SYNRG: variants seen among roughly 807,000 people sequenced by gnomAD.
SYNRG encodes AP1 gamma subunit binding protein 1.
A neutral mutation model predicts 130.9 loss-of-function variants in SYNRG; 37 were observed. That is an observed-to-expected ratio of 0.28 (90% confidence interval 0.22 to 0.37). The LOEUF is 0.37. SYNRG is among the 10% of genes least tolerant of loss of function. The pLI, the probability that SYNRG is intolerant of heterozygous loss-of-function variation, is 1.00. For missense variants in SYNRG, 1,338 were observed against 1,588.9 expected (o/e 0.84, Z 2.68); for synonymous variants, 539 against 568.1 (o/e 0.95, Z 0.73).
At chr17:37,565,950 C>T (rs1330433467) in intron 11 of SYNRG, among the ~76,000 whole-genome samples, 3 of 147,654 alleles carry the variant, frequency 2.0e-5, no homozygotes, top group African/African-American at 2.5e-5. Flanking sequence ...CCGCCCCGTC[C>T]GGGAGGGAGG....
At chr17:37,579,450 T>C (rs2146284439) in intron 6 of SYNRG, 1 of 1,301,278 alleles carries the variant, frequency 7.7e-7, no homozygotes. Context: ...AAATGGAAAA[T>C]GGCAATGAAA....
chr17:37,569,409 G>GAAAAAAAA (rs530693398), intron 10 of SYNRG, among the ~76,000 whole-genome samples: 1 of 59,394 alleles, frequency 1.7e-5, no homozygotes, highest in Non-Finnish European at 3.2e-5. Context: ...GACTCTGGCT[G>GAAAAAAAA]AAAAAAAAAA....
intron 15 of SYNRG, chr17:37,541,014 G>A: frequency 1.0e-6 from 1 of 986,724 alleles, no homozygotes; most frequent in Non-Finnish European, 1.2e-6. Context: ...GAAGCTACAT[G>A]TTAAATCTTT....
At chr17:37,600,132 T>C (rs185459825) in intron 2 of SYNRG, among the ~76,000 whole-genome samples, 73 of 152,330 alleles carry the variant, frequency 4.8e-4, no homozygotes, top group African/African-American at 6.7e-4. Flanking sequence ...ATGAACATAA[T>C]GTCTATGTAA....
At chr17:37,594,762 T>C (rs2062608432) in intron 3 of SYNRG, among the ~76,000 whole-genome samples, 1 of 152,066 alleles carries the variant, frequency 6.6e-6, no homozygotes, top group African/African-American at 2.4e-5. Context: ...TCCCAGCCAT[T>C]TGCTACCTTT....
chr17:37,561,039 A>G (rs1415168874), intron 13 of SYNRG, among the ~76,000 whole-genome samples, 156 bp downstream of exon 13: 1 of 152,204 alleles, frequency 6.6e-6, no homozygotes, highest in African/African-American at 2.4e-5. Flanking sequence ...AAACATCACT[A>G]CTATACCATA....
At chr17:37,579,883 CCTTT>C (rs1160201508) in intron 6 of SYNRG, among the ~76,000 whole-genome samples, 2 of 151,916 alleles carry the variant, frequency 1.3e-5, no homozygotes, top group African/African-American at 2.4e-5. Flanking sequence ...GCTAATTCTT[CCTTT>C]CTTTTTTTTT....
At chr17:37,543,656 A>T (rs77567865) in intron 14 of SYNRG, among the ~76,000 whole-genome samples, 8,751 of 152,294 alleles carry the variant, frequency 0.057, 821 homozygotes, top group African/African-American at 0.19. Flanking sequence ...CATAATAGCT[A>T]GTGTCTGCTC....
chr17:37,556,810 T>C (rs529453573), intron 13 of SYNRG, among the ~76,000 whole-genome samples: 1 of 152,380 alleles, frequency 6.6e-6, no homozygotes, highest in African/African-American at 2.4e-5. Flanking sequence ...ACTTGTATTA[T>C]TTCTGAAAAT....
In SYNRG at chr17:37,535,984, G is replaced by A; in HGVS notation, c.3661C>T (p.Leu1221Phe). The A allele has an allele frequency of 6.2e-7, 1 of 1,613,756 alleles. No homozygotes were observed. Among genetic ancestry groups the A allele is most frequent in the Non-Finnish European group, 8.5e-7 (1 of 1,179,966 alleles). Residue 1221 changes from leucine to phenylalanine, a missense_variant, in exon 19 of 22, where the codon CTC (leucine) becomes TTC (phenylalanine). This residue lies in a region of SYNRG where 1,146 missense variants were observed against 1,342.3 expected (regional missense o/e 0.85). Coordinates refer to ENST00000612223, the MANE Select transcript of SYNRG (RefSeq NM_007247.6). Reference protein sequence around the residue: ...NLIGFMSLATLTPDENSLDFS... With the variant: ...NLIGFMSLATFTPDENSLDFS... ...GAGTTGTCTCATGGGCTTACTGTGA[G>A]TGTGGCGAGTGACATGAAGCCGATT...
chr17:37,565,442 T>C (rs1000741663), intron 11 of SYNRG, among the ~76,000 whole-genome samples: 30 of 152,010 alleles, frequency 2.0e-4, no homozygotes, highest in Admixed American at 2.0e-4. Context: ...AGTGCCGAGA[T>C]TGCAGCCTCT....
At chr17:37,571,053 C>T (rs1450480519) in intron 9 of SYNRG, among the ~76,000 whole-genome samples, 168 bp from the exon 10 acceptor site, 1 of 152,144 alleles carries the variant, frequency 6.6e-6, no homozygotes, top group Non-Finnish European at 1.5e-5. Flanking sequence ...CAATGCAAAC[C>T]TAATACTTAA....
chr17:37,532,036 T>C (rs1359749364), intron 19 of SYNRG, among the ~76,000 whole-genome samples: 1 of 152,252 alleles, frequency 6.6e-6, no homozygotes, highest in Non-Finnish European at 1.5e-5. Flanking sequence ...TTTGCTTCTT[T>C]CTGTGAATTC....
chr17:37,538,397 G>T lies in SYNRG; in HGVS notation c.3444C>A (p.Thr1148=). ...ALNVIKKAND[T]LNGISSSSVC... ...CAGAACTACTACTGATTCCATTTAA[G>T]GTATCATTTGCCTTCTTAATGACCT... is the stretch of plus-strand genomic sequence containing the variant. The change falls in exon 18 of 22, where the codon ACC becomes ACA. Residue 1148 remains threonine, a synonymous_variant. Coordinates refer to ENST00000612223, the MANE Select transcript of SYNRG (RefSeq NM_007247.6). 1 of 1,609,666 alleles carries T rather than the reference G, an allele frequency of 6.2e-7. No homozygotes were observed. The highest frequency in any genetic ancestry group is 8.5e-7 in the Non-Finnish European group (1 of 1,178,650).
At chr17:37,557,563 A>C (rs62077565) in intron 13 of SYNRG, among the ~76,000 whole-genome samples, 1,807 of 152,334 alleles carry the variant, frequency 0.012, 20 homozygotes, top group Non-Finnish European at 0.016. Context: ...AAATAACAAC[A>C]ATCTGGAACT....
intron 14 of SYNRG, among the ~76,000 whole-genome samples, chr17:37,542,991 T>C (rs891727812): frequency 1.3e-5 from 2 of 152,238 alleles, no homozygotes; most frequent in African/African-American, 4.8e-5. Context: ...TCATGTGAAA[T>C]GCACATGGCA....
chr17:37,528,706 T>C (rs2056256540), intron 19 of SYNRG, among the ~76,000 whole-genome samples: 1 of 152,254 alleles, frequency 6.6e-6, no homozygotes, highest in African/African-American at 2.4e-5. Context: ...TGTTGGTTTA[T>C]GTCATTTACA....
intron 15 of SYNRG, chr17:37,541,430 C>T (rs912301099): frequency 1.6e-5 from 3 of 185,532 alleles, no homozygotes; most frequent in African/African-American, 2.4e-5. Flanking sequence ...CAGCTGCCAA[C>T]ATATGGGACT....
At position 37,540,399 on chromosome 17, in the gene SYNRG, T is replaced by A. The variant is rs1027288353; in HGVS notation, c.3347A>T (p.Asp1116Val). ...ALPVIRDKYK[D>V]LTGEVEENER... ...TCTCACCTCCACCTCTCCCGTCAGG[T>A]CTTTGTACTTGTCTCGGATGACGGG... is the stretch of plus-strand genomic sequence containing the variant. Residue 1116 changes from aspartate (D) to valine (V), a missense_variant, in exon 16 of 22, where the codon GAC becomes GTC. Physicochemically the swap from Asp to Val is radical, Grantham distance 152. This residue lies in a region of SYNRG where 1,146 missense variants were observed against 1,342.3 expected (regional missense o/e 0.85). Coordinates refer to ENST00000612223, the MANE Select transcript of SYNRG (RefSeq NM_007247.6). The A allele has an allele frequency of 6.2e-7, 1 of 1,613,662 alleles. No homozygotes were observed. Among genetic ancestry groups the A allele is most frequent in the African/African-American group, 1.3e-5 (1 of 74,872 alleles).
Sources: allele counts gnomAD v4.1 joint callset (sites outside exome capture counted in the v4.1 genomes callset), GRCh38; gene constraint gnomAD v4.1.1; regional missense constraint gnomAD v4.1.1; transcripts MANE v1.5; gene names NCBI Gene and HGNC (gene_info 2026-07-23, HGNC 2026-07-21).